Variants in TRIM23 observed in about 807,000 individuals in gnomAD.
TRIM23 encodes the protein tripartite motif containing 23.
In TRIM23, 27 loss-of-function variants were observed where a neutral mutation model predicts 71.0. The observed-to-expected ratio is 0.38, with a 90% CI of 0.28 to 0.52. TRIM23 has a LOEUF of 0.52. TRIM23 is among the 20% of genes least tolerant of loss of function. The probability of loss-of-function intolerance (pLI) is 0.84; values close to 1 mark genes in which losing one functional copy is unlikely to be tolerated. For synonymous variants in TRIM23, 234 were observed against 238.0 expected, an observed-to-expected ratio of 0.98 and a Z score of 0.16; for missense variants, 482 against 692.3, an observed-to-expected ratio of 0.70 and a Z score of 3.41.
chr5:65,610,907 C>T lies in TRIM23; in HGVS notation c.782G>A (p.Gly261Glu). The T allele has an allele frequency of 1.2e-6, 2 of 1,612,002 alleles. No homozygotes were observed. The highest frequency in any genetic ancestry group is 1.7e-6 in the Non-Finnish European group (2 of 1,179,736). ...AATTCCATCTTCCACGATTTGTTCT[C>T]CTCCTTCAATGTGCTGCACAATTCC... is the stretch of plus-strand genomic sequence containing the variant. Reference protein sequence around the residue: ...LVGIVQHIEGGEQIVEDGIGM... With the variant: ...LVGIVQHIEGEEQIVEDGIGM... Residue 261 changes from glycine to glutamate, a missense_variant, in exon 5 of 11, where the codon GGA becomes GAA. Physicochemically the swap from Gly to Glu is moderately conservative, Grantham distance 98. Around this residue, in one of 2 missense-constraint regions of TRIM23, gnomAD observed 307 missense variants for 495.8 expected, o/e 0.62. Transcript: ENST00000231524.
chr5:65,616,995 A>C (rs1299623301), intron 2 of TRIM23, among the ~76,000 whole-genome samples: 2 of 152,244 alleles, frequency 1.3e-5, no homozygotes, highest in Non-Finnish European at 2.9e-5. Flanking sequence ...GTTCTGGATT[A>C]CAGGTATGAG....
chr5:65,610,842 G>C lies in TRIM23; in HGVS notation c.828+19C>G. The C allele has an allele frequency of 6.5e-7, 1 of 1,550,350 alleles. No individual in the cohort carries two copies. The highest frequency in any genetic ancestry group is 2.3e-5 in the East Asian group (1 of 43,468). On this transcript the variant is annotated intron_variant, in intron 5 of 10. Transcript: ENST00000231524. Reference sequence around the variant, plus strand: ...AAATAAAAAAGAATGAGAAAGTGAAGAAGAAAAAAAATCCATACATGTTCT... The same window carrying C: ...AAATAAAAAAGAATGAGAAAGTGAACAAGAAAAAAAATCCATACATGTTCT...
intron 2 of TRIM23, among the ~76,000 whole-genome samples, chr5:65,615,048 C>T (rs2150639593): frequency 6.6e-6 from 1 of 152,034 alleles, no homozygotes; most frequent in Admixed American, 6.6e-5. Context: ...CAGGTGTGTG[C>T]CACTATGCCC....
chr5:65,593,235 G>A (rs1484892594), intron 10 of TRIM23, among the ~76,000 whole-genome samples: 1 of 152,128 alleles, frequency 6.6e-6, no homozygotes, highest in Non-Finnish European at 1.5e-5. Context: ...AGGAGTTTGA[G>A]ACCAGCCTGA....
chr5:65,616,641 TAAAAA>T (rs746034795), intron 2 of TRIM23, among the ~76,000 whole-genome samples: 2 of 126,312 alleles, frequency 1.6e-5, no homozygotes, highest in African/African-American at 3.0e-5. Flanking sequence ...CACTCTGCTT[TAAAAA>T]AAAAAAAAAA....
intron 7 of TRIM23, among the ~76,000 whole-genome samples, chr5:65,600,973 T>C (rs1252668107): frequency 1.3e-5 from 2 of 152,136 alleles, no homozygotes; most frequent in Admixed American, 6.5e-5. Flanking sequence ...ATGGCTACTA[T>C]CCAAAAACAG....
At chr5:65,621,658 A>G (rs964924083) in intron 1 of TRIM23, among the ~76,000 whole-genome samples, 1 of 152,154 alleles carries the variant, frequency 6.6e-6, no homozygotes, top group African/African-American at 2.4e-5. Flanking sequence ...CAGCAAGAAA[A>G]TATTTCCTCA....
At position 65,597,242 on chromosome 5, in the gene TRIM23, C is replaced by T. The variant is rs186926420; in HGVS notation, c.1180-62G>A. 784 of 1,527,728 alleles carry T rather than the reference C, an allele frequency of 5.1e-4. 1 individual carries two copies. Among genetic ancestry groups the T allele is most frequent in the Admixed American group, 4.8e-4 (28 of 58,052 alleles). 94.6% of individuals were successfully genotyped at this position (1,527,728 alleles called of 1,614,324 possible). A position where few individuals can be genotyped will look rare whatever the true frequency, so the allele number is the denominator to read the frequency against. ...AGTTAGAAAGTAATAGCATTTAGCA[C>T]CTTTATTATTTCTACATCTCCTATT... On this transcript the variant is annotated intron_variant, in intron 7 of 10. Coordinates refer to ENST00000231524, the MANE Select transcript of TRIM23 (RefSeq NM_001656.4).
intron 1 of TRIM23, among the ~76,000 whole-genome samples, 160 bp downstream of exon 1, chr5:65,624,034 G>T (rs1335293894): frequency 6.6e-6 from 1 of 152,260 alleles, no homozygotes; most frequent in Non-Finnish European, 1.5e-5. Flanking sequence ...CCATAGGAGA[G>T]AAAGGATGCA....
intron 5 of TRIM23, 137 bp from the exon 6 acceptor site, chr5:65,609,595 T>A: frequency 1.1e-6 from 1 of 879,636 alleles, no homozygotes; most frequent in Non-Finnish European, 1.7e-6. Context: ...CCAGCCGTGG[T>A]GGCATGTGCC....
Position 65,611,884 on chromosome 5 carries a change from G to A in TRIM23, c.367-3C>T, listed in dbSNP as rs1754659630. 2 of 1,603,536 alleles carry A rather than the reference G, an allele frequency of 1.2e-6. No individual in the cohort carries two copies. The highest frequency in any genetic ancestry group is 1.3e-5 in the African/African-American group (1 of 74,578). On this transcript the variant is annotated splice_region_variant and splice_polypyrimidine_tract_variant and intron_variant, in intron 3 of 10. Transcript: ENST00000231524. ...TCTTCATCACAACGAATGATGCTCT[G>A]ATAAACAAAAAATTAATGCCTTAAA... is the stretch of plus-strand genomic sequence containing the variant.
rs1298340382 is a variant in TRIM23 at position 65,589,790 on chromosome 5, T to C, written c.*1979A>G. ...ATTCCTGAATTATAGACTACGGCTA[T>C]ACACTTGACATACCTGCTTTATATA... On this transcript the variant is annotated 3_prime_UTR_variant, in exon 11 of 11. Coordinates refer to ENST00000231524, the MANE Select transcript of TRIM23 (RefSeq NM_001656.4). The C allele has an allele frequency of 6.6e-6, 1 of 152,494 alleles. No homozygotes were observed. Among genetic ancestry groups the C allele is most frequent in the Non-Finnish European group, 1.5e-5 (1 of 67,924 alleles). 9.4% of individuals were successfully genotyped at this position (152,494 alleles called of 1,614,324 possible).
At chr5:65,609,134 T>C in intron 6 of TRIM23, 109 bp downstream of exon 6, 1 of 1,075,420 alleles carries the variant, frequency 9.3e-7, no homozygotes, top group South Asian at 1.6e-5. Flanking sequence ...AGCACAAAGT[T>C]ACTGCATACA....
chr5:65,619,778 T>G (rs984811754), intron 1 of TRIM23, among the ~76,000 whole-genome samples: 2 of 152,120 alleles, frequency 1.3e-5, no homozygotes, highest in African/African-American at 4.8e-5. Flanking sequence ...ATCTAACTCA[T>G]AATAAGAAAA....
At position 65,590,438 on chromosome 5, in the gene TRIM23, C is replaced by A; in HGVS notation, c.*1331G>T. The A allele has an allele frequency of 7.5e-7, 1 of 1,328,022 alleles. No individual in the cohort carries two copies. The allele number at this position is 1,328,022 out of a possible 1,614,324, so 82.3% of individuals were successfully genotyped here. A position where few individuals can be genotyped will look rare whatever the true frequency, so the allele number is the denominator to read the frequency against. ...AAAAATAGATTTGAAAAGAATGAAC[C>A]ACAACAGTGCTACCAAAAAGTCACA... On this transcript the variant is annotated 3_prime_UTR_variant, in exon 11 of 11. Transcript: ENST00000231524.
chr5:65,608,173 C>A (rs757963202), intron 6 of TRIM23, among the ~76,000 whole-genome samples: 1 of 152,060 alleles, frequency 6.6e-6, no homozygotes, highest in Non-Finnish European at 1.5e-5. Context: ...TAGAAACTTG[C>A]AGGAGTGGCT....
intron 5 of TRIM23, 94 bp downstream of exon 5, chr5:65,610,767 G>T: frequency 9.0e-7 from 1 of 1,110,624 alleles, no homozygotes; most frequent in Non-Finnish European, 1.3e-6. Context: ...GTGCAATACT[G>T]GCAAATTGTA....
rs375211913 is a variant in TRIM23 at position 65,603,766 on chromosome 5, C to T, written c.1179+1145G>A. Among the ~76,000 whole-genome samples, 289 of 152,226 alleles carry T rather than the reference C, an allele frequency of 1.9e-3. 2 individuals carry two copies. The highest frequency in any genetic ancestry group is 6.7e-3 in the African/African-American group (277 of 41,556). On this transcript the variant is annotated intron_variant, in intron 7 of 10. Coordinates refer to ENST00000231524, the MANE Select transcript of TRIM23 (RefSeq NM_001656.4). ...ACACTTTTTAATCAGGGAGAACCCA[C>T]TTTAAAAGAGGTTTAAATATATCAA...
intron 6 of TRIM23, chr5:65,607,110 G>C (rs1311556421): frequency 6.6e-6 from 1 of 152,176 alleles, no homozygotes; most frequent in Non-Finnish European, 1.5e-5. Flanking sequence ...TCTCAGAAGT[G>C]AAGATCAATT....
Sources: allele counts gnomAD v4.1 joint callset (sites outside exome capture counted in the v4.1 genomes callset), GRCh38; gene constraint gnomAD v4.1.1; regional missense constraint gnomAD v4.1.1; transcripts MANE v1.5; gene names NCBI Gene and HGNC (gene_info 2026-07-23, HGNC 2026-07-21).